SIPA1L1: variants seen among roughly 807,000 people sequenced by gnomAD.
SIPA1L1 encodes signal induced proliferation associated 1 like 1.
Under a neutral mutation model 162.7 loss-of-function variants are expected in SIPA1L1, and 26 were observed. The observed-to-expected ratio is 0.16, with a 90% confidence interval of 0.12 to 0.22. The LOEUF (loss-of-function observed/expected upper bound fraction) is 0.22. Ranked by LOEUF, SIPA1L1 falls within the 10% of genes least tolerant of loss-of-function variation. SIPA1L1 has a pLI of 1.00. For missense variants in SIPA1L1, 1,874 were observed against 2,241.0 expected (o/e 0.84, Z 3.31); for synonymous variants, 829 against 837.4 (o/e 0.99, Z 0.17).
intron 10 of SIPA1L1, among the ~76,000 whole-genome samples, chr14:71,670,181 T>C (rs2044378048): frequency 6.6e-6 from 1 of 152,222 alleles, no homozygotes; most frequent in Admixed American, 6.5e-5. Flanking sequence ...GGAAATGATA[T>C]AAAACACTCA....
Position 71,589,356 on chromosome 14 carries a change from T to C in SIPA1L1, c.1484T>C (p.Phe495Ser). ...CTGGGTGCATACTATTATAGAAAAT[T>C]TTTCTACCAGAAGGGTAAGTAGAGA... ...VDLGAYYYRKFFYQKEHWNYF... is the reference protein window; with the variant it reads ...VDLGAYYYRKSFYQKEHWNYF... Residue 495 changes from phenylalanine (F) to serine (S), a missense_variant, in exon 5 of 24, where the codon TTT (phenylalanine) becomes TCT (serine). Around this residue, in one of 5 missense-constraint regions of SIPA1L1, gnomAD observed 685 missense variants for 828.0 expected, o/e 0.83. Transcript: ENST00000381232. 1.2e-6 allele frequency: 2 copies of C among 1,604,524 alleles called. No individual in the cohort carries two copies. Among genetic ancestry groups the C allele is most frequent in the Non-Finnish European group, 1.7e-6 (2 of 1,172,974 alleles).
intron 2 of SIPA1L1, chr14:71,330,566 C>T: frequency 8.1e-7 from 1 of 1,239,082 alleles, no homozygotes; most frequent in South Asian, 1.2e-5. Context: ...GAGGCCTTTC[C>T]TCCTCAGATG....
intron 3 of SIPA1L1, among the ~76,000 whole-genome samples, chr14:71,528,337 A>T (rs968432544): frequency 3.9e-5 from 6 of 152,174 alleles, no homozygotes; most frequent in Admixed American, 1.3e-4. Context: ...AGTAGACTAC[A>T]TGATTTTTGA....
chr14:71,570,136 G>T (rs2031677637), intron 4 of SIPA1L1, among the ~76,000 whole-genome samples: 1 of 151,966 alleles, frequency 6.6e-6, no homozygotes, highest in South Asian at 2.1e-4. Flanking sequence ...AGTTTCCCCA[G>T]GTAAACCAAC....
At chr14:71,544,030 T>C (rs901631053) in intron 4 of SIPA1L1, among the ~76,000 whole-genome samples, 12 of 148,018 alleles carry the variant, frequency 8.1e-5, no homozygotes, top group Non-Finnish European at 1.5e-4. Context: ...TACGCACATG[T>C]ATGTATATAC....
chr14:71,436,485 C>T (rs2044385458), intron 2 of SIPA1L1, among the ~76,000 whole-genome samples: 1 of 152,038 alleles, frequency 6.6e-6, no homozygotes, highest in Non-Finnish European at 1.5e-5. Flanking sequence ...TATAGTTGTG[C>T]CAGCACCATT....
intron 2 of SIPA1L1, among the ~76,000 whole-genome samples, chr14:71,402,434 C>T (rs756521050): frequency 5.3e-5 from 8 of 151,714 alleles, no homozygotes; most frequent in Non-Finnish European, 1.0e-4. Flanking sequence ...CTGTAACCTC[C>T]GCCTCCCGGG....
At chr14:71,388,972 G>T (rs1019611282) in intron 2 of SIPA1L1, among the ~76,000 whole-genome samples, 2 of 152,088 alleles carry the variant, frequency 1.3e-5, no homozygotes, top group African/African-American at 4.8e-5. Flanking sequence ...TAGAGATAGG[G>T]TCTTGCTGTG....
intron 2 of SIPA1L1, among the ~76,000 whole-genome samples, chr14:71,486,360 T>C (rs1371403527): frequency 6.6e-6 from 1 of 152,242 alleles, no homozygotes; most frequent in Non-Finnish European, 1.5e-5. Flanking sequence ...CTTTTGGGTG[T>C]AAGGCCTTTG....
intron 4 of SIPA1L1, among the ~76,000 whole-genome samples, chr14:71,583,643 T>C (rs1181027247): frequency 6.6e-6 from 1 of 152,120 alleles, no homozygotes; most frequent in Non-Finnish European, 1.5e-5. Flanking sequence ...ATTCCTTGAA[T>C]TAGGAATAGA....
At chr14:71,665,281 C>A (rs1301771339) in intron 10 of SIPA1L1, among the ~76,000 whole-genome samples, 1 of 152,152 alleles carries the variant, frequency 6.6e-6, no homozygotes, top group Non-Finnish European at 1.5e-5. Flanking sequence ...TGGATCTAGA[C>A]ATGAGATCTC....
At chr14:71,569,977 G>A (rs2031637950) in intron 4 of SIPA1L1, among the ~76,000 whole-genome samples, 2 of 152,198 alleles carry the variant, frequency 1.3e-5, no homozygotes, top group Non-Finnish European at 2.9e-5. Context: ...CTGTAAGAAC[G>A]GCTATGTTAA....
At chr14:71,643,890 C>A (rs532108783) in intron 7 of SIPA1L1, among the ~76,000 whole-genome samples, 5 of 150,800 alleles carry the variant, frequency 3.3e-5, no homozygotes, top group African/African-American at 1.2e-4. Context: ...TCACTGCAAC[C>A]TCTGCCTCCC....
chr14:71,348,882 G>A (rs1276723651), intron 2 of SIPA1L1, among the ~76,000 whole-genome samples: 1 of 152,178 alleles, frequency 6.6e-6, no homozygotes, highest in Non-Finnish European at 1.5e-5. Flanking sequence ...GGCTGAAATG[G>A]ATTCTTCCCC....
At chr14:71,600,813 G>C (rs2036648635) in intron 5 of SIPA1L1, among the ~76,000 whole-genome samples, 1 of 151,964 alleles carries the variant, frequency 6.6e-6, no homozygotes, top group Non-Finnish European at 1.5e-5. Context: ...TTTATTCCTA[G>C]GTATTTTTCT....
At chr14:71,508,239 C>G (rs1419413981) in intron 2 of SIPA1L1, among the ~76,000 whole-genome samples, 1 of 152,132 alleles carries the variant, frequency 6.6e-6, no homozygotes, top group African/African-American at 2.4e-5. Context: ...CTCCATGGGT[C>G]AAGGAAAATA....
chr14:71,442,657 G>C (rs1282706710), intron 2 of SIPA1L1, among the ~76,000 whole-genome samples: 1 of 152,190 alleles, frequency 6.6e-6, no homozygotes, highest in Non-Finnish European at 1.5e-5. Context: ...GCTAAGTGTG[G>C]TGGCTCATGC....
intron 5 of SIPA1L1, among the ~76,000 whole-genome samples, chr14:71,594,426 GT>G (rs1036788861): frequency 1.8e-4 from 28 of 151,776 alleles, no homozygotes; most frequent in African/African-American, 6.5e-4. Context: ...TGTTTATTCA[GT>G]TTTTTTTGCT....
At chr14:71,714,804 A>T (rs969126754) in intron 17 of SIPA1L1, among the ~76,000 whole-genome samples, 36 of 152,098 alleles carry the variant, frequency 2.4e-4, no homozygotes, top group African/African-American at 8.2e-4. Context: ...CTGGTCTCAT[A>T]CTCCTGTGCT....
Sources: gnomAD v4.1 joint callset for allele counts (sites outside exome capture counted in the v4.1 genomes callset) on GRCh38, gnomAD v4.1.1 for gene constraint, gnomAD v4.1.1 regional missense constraint, MANE v1.5 for transcripts, NCBI Gene and HGNC (gene_info 2026-07-23, HGNC 2026-07-21) for gene names.